RMDN1: variants seen among roughly 807,000 people sequenced by gnomAD.
RMDN1 encodes the protein regulator of microtubule dynamics 1.
A neutral mutation model predicts 48.9 loss-of-function variants in RMDN1; 48 were observed. The ratio of observed to expected loss-of-function variants is 0.98; its 90% CI spans 0.78 to 1.25. RMDN1 has a LOEUF of 1.25. Ranked by LOEUF, RMDN1 falls within the 50% of genes most tolerant of loss-of-function variation. The pLI is 0.00. For synonymous variants in RMDN1, 148 were observed against 132.6 expected (o/e 1.12, Z -0.80); for missense variants, 418 against 373.4 (o/e 1.12, Z -0.98).
In RMDN1 at chr8:86,472,658, T is replaced by G. The variant is rs942251287; in HGVS notation, c.*1650A>C. On this transcript the variant is annotated 3_prime_UTR_variant, in exon 10 of 10. Coordinates refer to ENST00000406452, the MANE Select transcript of RMDN1 (RefSeq NM_016033.3). ...TTCACTGTATCAGTGGTGTGTCATA[T>G]TTTTTTTTTTGCCATCCTTGTTCCT... The G allele has an allele frequency of 7.3e-5, 16 of 218,134 alleles. No homozygotes were observed. The Middle Eastern group carries it at 4.4e-3, about 61-fold the overall frequency. 13.5% of individuals were successfully genotyped at this position (218,134 alleles called of 1,614,324 possible).
rs1257240149 is a variant in RMDN1 at position 86,508,487 on chromosome 8, G to C, written c.129+5C>G. ...GAGGAGCGGGAGCCAGGACCACGGG[G>C]GTACCTCGAAGCCGCGGAATCGACA... On this transcript the variant is annotated splice_donor_5th_base_variant and intron_variant, in intron 1 of 9. Transcript: ENST00000406452. 6 of 1,544,800 alleles carry C rather than the reference G, an allele frequency of 3.9e-6. No individual in the cohort carries two copies. The East Asian group carries it at 1.5e-4, about 38-fold the overall frequency.
At chr8:86,488,662 A>T (rs1283490228) in intron 2 of RMDN1, 23 bp from the exon 3 acceptor site, 2 of 1,550,404 alleles carry the variant, frequency 1.3e-6, no homozygotes, top group African/African-American at 2.7e-5. Flanking sequence ...TAAAGGAAAA[A>T]AGACACAATA....
At chr8:86,503,375 A>AC (rs111662137) in intron 2 of RMDN1, among the ~76,000 whole-genome samples, 79 of 87,178 alleles carry the variant, frequency 9.1e-4, no homozygotes, top group South Asian at 1.1e-3. Flanking sequence ...ACAAAACAAA[A>AC]AAAAAAAAAA....
chr8:86,471,571 T>A (rs1812572051), downstream of RMDN1, among the ~76,000 whole-genome samples: 1 of 151,374 alleles, frequency 6.6e-6, no homozygotes, highest in South Asian at 2.1e-4. Flanking sequence ...AGGAAAAAAA[T>A]TCGGAGAAAA....
chr8:86,495,341 C>T (rs1175210945), intron 2 of RMDN1, among the ~76,000 whole-genome samples: 2 of 152,182 alleles, frequency 1.3e-5, no homozygotes, highest in East Asian at 3.9e-4. Flanking sequence ...TGCAGGAGAC[C>T]CTAAGACCCC....
chr8:86,498,863 A>G (rs1680709740), intron 2 of RMDN1, among the ~76,000 whole-genome samples: 1 of 111,536 alleles, frequency 9.0e-6, no homozygotes, highest in South Asian at 3.1e-4. Flanking sequence ...TGAAAAGATA[A>G]TACACCACAA....
In RMDN1 at chr8:86,473,464, C is replaced by T. The variant is rs532130692; in HGVS notation, c.*844G>A. On this transcript the variant is annotated 3_prime_UTR_variant, in exon 10 of 10. Transcript: ENST00000406452. ...ACAAATTCAGTTTACCATGAGACTA[C>T]ACCACATTTAAAGTAAACTGGCCAG... 3 of 985,286 alleles carry T rather than the reference C, an allele frequency of 3.0e-6. No individual in the cohort carries two copies. The highest frequency in any genetic ancestry group is 3.6e-6 in the Non-Finnish European group (3 of 829,944). The allele number at this position is 985,286 out of a possible 1,614,324, so 61.0% of individuals were successfully genotyped here.
intron 5 of RMDN1, 26 bp downstream of exon 5, chr8:86,484,846 C>T: frequency 7.1e-7 from 1 of 1,415,312 alleles, no homozygotes; most frequent in Non-Finnish European, 9.8e-7. Flanking sequence ...TTTTAAAATT[C>T]ATGAATTTGA....
intron 2 of RMDN1, chr8:86,505,226 G>T (rs1819119912): frequency 3.3e-6 from 2 of 603,506 alleles, no homozygotes; most frequent in Admixed American, 2.4e-5. Flanking sequence ...GGGTTTGTTG[G>T]ATTTTCAATG....
chr8:86,496,570 A>G (rs184974516), intron 2 of RMDN1, among the ~76,000 whole-genome samples: 6 of 152,364 alleles, frequency 3.9e-5, no homozygotes, highest in Admixed American at 2.6e-4. Context: ...AAGGATAAAG[A>G]GTTCAATTAA....
At chr8:86,492,898 T>C (rs1389495766) in intron 2 of RMDN1, among the ~76,000 whole-genome samples, 1 of 150,374 alleles carries the variant, frequency 6.7e-6, no homozygotes. Context: ...TTCCAGAAAA[T>C]GGAGGAAGAA....
In RMDN1 at chr8:86,504,509, T is replaced by C. The variant is rs979255271; in HGVS notation, c.247+2486A>G. On this transcript the variant is annotated intron_variant, in intron 2 of 9. Transcript: ENST00000406452. ...GTTCAAGAGCCCATCTATGCCACCA[T>C]TGGTGCACGTGTGTTTAATACTATC... is the stretch of plus-strand genomic sequence containing the variant. 21 of 1,497,248 alleles carry C rather than the reference T, an allele frequency of 1.4e-5. No homozygotes were observed. The African/African-American group carries it at 1.8e-4, about 13-fold the overall frequency. 92.7% of individuals were successfully genotyped at this position (1,497,248 alleles called of 1,614,324 possible).
chr8:86,482,838 T>C, intron 5 of RMDN1: 1 of 1,137,234 alleles, frequency 8.8e-7, no homozygotes, highest in Admixed American at 1.7e-5. Context: ...GGGAGGTCAC[T>C]GCGAGCTCTC....
chr8:86,507,190 A>AT, intron 1 of RMDN1, 78 bp from the exon 2 acceptor site: 1 of 795,512 alleles, frequency 1.3e-6, no homozygotes, highest in Non-Finnish European at 2.2e-6. Context: ...AATTACATGA[A>AT]TTTTCTCCCA....
downstream of RMDN1, chr8:86,470,289 A>G (rs1326527345): frequency 7.8e-7 from 1 of 1,289,332 alleles, no homozygotes; most frequent in Admixed American, 2.3e-5. Context: ...CACAAGAACA[A>G]TCAGGTGGGG....
intron 1 of RMDN1, 177 bp downstream of exon 1, chr8:86,508,315 T>C (rs574086142): frequency 2.4e-4 from 152 of 622,296 alleles, no homozygotes; most frequent in Admixed American, 1.8e-3. Context: ...TTAAGGATAG[T>C]GGAGGTTTGC....
At chr8:86,486,715 T>A in intron 3 of RMDN1, 72 bp from the exon 4 acceptor site, 2 of 1,194,090 alleles carry the variant, frequency 1.7e-6, no homozygotes, top group African/African-American at 3.0e-5. Flanking sequence ...ACATTACTAA[T>A]GAATACATTA....
intron 1 of RMDN1, chr8:86,508,159 T>C (rs776355156): frequency 1.5e-5 from 4 of 269,012 alleles, no homozygotes; most frequent in Non-Finnish European, 2.8e-5. Context: ...AGCGCTGTTG[T>C]ATCTGTCATC....
At chr8:86,468,475 G>C (rs545876452), downstream of RMDN1, 25 of 425,910 alleles carry the variant, frequency 5.9e-5, no homozygotes, top group East Asian at 1.7e-3. Flanking sequence ...ATGTGATAGA[G>C]GGAAACTGGC....
Sources: gnomAD v4.1 joint callset for allele counts (sites outside exome capture counted in the v4.1 genomes callset) on GRCh38, gnomAD v4.1.1 for gene constraint, MANE v1.5 for transcripts, NCBI Gene and HGNC (gene_info 2026-07-23, HGNC 2026-07-21) for gene names.